The following GNG2 variants were observed in gnomAD, a reference collection of about 807,000 sequenced individuals.
GNG2 encodes guanine nucleotide-binding protein G(I)/G(S)/G(O) subunit gamma-2.
GNG2 carries 5 observed loss-of-function variants against 5.5 expected under a neutral mutation model. That is an observed-to-expected ratio of 0.91 (90% CI 0.48 to 1.92). The LOEUF is 1.92. GNG2 is among the 30% of genes most tolerant of loss of function. The pLI, the probability that GNG2 is intolerant of heterozygous loss-of-function variation, is 0.01. For synonymous variants in GNG2, 28 were observed against 32.0 expected, an observed-to-expected ratio of 0.88 and a Z score of 0.42; for missense variants, 55 against 88.4, an observed-to-expected ratio of 0.62 and a Z score of 1.52.
chr14:51,911,806 C>T lies in GNG2; in HGVS notation c.-30+34149C>T, dbSNP rs1408155424. On this transcript the variant is annotated intron_variant, in intron 2 of 3. Transcript: ENST00000556766. The stretch of plus-strand genomic sequence containing the variant: ...TCCAGTGATCTGCCTACTTTGGCCT[C>T]CCAAAGCACTGGGATTACAGGCGTG... Among the ~76,000 whole-genome samples the T allele has an allele frequency of 2.7e-5, 4 of 148,120 alleles. 1 individual carries two copies. Among genetic ancestry groups the T allele is most frequent in the African/African-American group, 1.0e-4 (4 of 39,456 alleles).
chr14:51,965,788 T>C (rs1889857993), intron 3 of GNG2, among the ~76,000 whole-genome samples: 1 of 152,082 alleles, frequency 6.6e-6, no homozygotes, highest in Non-Finnish European at 1.5e-5. Flanking sequence ...TACAAAATGA[T>C]AATAATGGCT....
At chr14:51,858,505 G>A (rs948379869), upstream of GNG2, among the ~76,000 whole-genome samples, 2 of 152,094 alleles carry the variant, frequency 1.3e-5, no homozygotes, top group Non-Finnish European at 2.9e-5. Context: ...ACCTATATAG[G>A]CTTAAATATA....
At chr14:51,921,169 C>T (rs1233704966) in intron 2 of GNG2, among the ~76,000 whole-genome samples, 1 of 152,170 alleles carries the variant, frequency 6.6e-6, no homozygotes, top group African/African-American at 2.4e-5. Context: ...CCAGCTCTGT[C>T]ACCTACCAGC....
At chr14:51,865,621 G>T (rs1020068662) in intron 1 of GNG2, among the ~76,000 whole-genome samples, 6 of 151,966 alleles carry the variant, frequency 3.9e-5, no homozygotes, top group East Asian at 1.9e-4. Flanking sequence ...TCACCTCCCA[G>T]TTACAACTCC....
chr14:51,917,656 TAG>T (rs1453465891), intron 2 of GNG2, among the ~76,000 whole-genome samples: 1 of 152,174 alleles, frequency 6.6e-6, no homozygotes. Context: ...TTTGAGATAT[TAG>T]GTCATGATTA....
At chr14:51,962,830 G>A (rs143147176) in intron 3 of GNG2, among the ~76,000 whole-genome samples, 289 of 152,280 alleles carry the variant, frequency 1.9e-3, no homozygotes, top group African/African-American at 6.7e-3. Flanking sequence ...CTAGGCACAC[G>A]ATTGCTGTGA....
chr14:51,901,963 TAAAAAAAAAAAA>T (rs34308582), intron 2 of GNG2, among the ~76,000 whole-genome samples: 102 of 56,454 alleles, frequency 1.8e-3, no homozygotes, highest in African/African-American at 6.6e-3. Flanking sequence ...TAACAATCTG[TAAAAAAAAAAAA>T]AAAAAAAAAA....
chr14:51,840,140 C>T (rs1431455244), intron 2 of GNG2, among the ~76,000 whole-genome samples: 5 of 152,296 alleles, frequency 3.3e-5, no homozygotes, highest in African/African-American at 1.2e-4. Context: ...AATCACTGCT[C>T]CACCTGGGTA....
At position 51,928,026 on chromosome 14, in the gene GNG2, C is replaced by CT. The variant is rs35561589; in HGVS notation, c.-29-22603dup. 9.7e-3 allele frequency among the ~76,000 whole-genome samples: 1,002 copies of CT among 103,054 alleles called. 14 individuals carry two copies. The highest frequency in any genetic ancestry group is 0.014 in the African/African-American group (345 of 24,820). The allele number at this position is 103,054 out of a possible 152,430, so 67.6% of individuals were successfully genotyped here. A position where few individuals can be genotyped will look rare whatever the true frequency, so the allele number is the denominator to read the frequency against. On this transcript the variant is annotated intron_variant, in intron 2 of 3. Transcript: ENST00000556766. ...GGTATTTGCCTTTCTCTCTCTCTCT[C>CT]TTTTTTTTTTTTTTTTTTTTTGGAG... is the stretch of plus-strand genomic sequence containing the variant.
chr14:51,945,133 CAA>C, intron 2 of GNG2, among the ~76,000 whole-genome samples: 2 of 150,336 alleles, frequency 1.3e-5, no homozygotes, highest in East Asian at 3.9e-4. Flanking sequence ...AACAAACAAA[CAA>C]AAAAAACGGA....
At chr14:51,844,112 C>G (rs924987613) in intron 2 of GNG2, among the ~76,000 whole-genome samples, 4 of 152,216 alleles carry the variant, frequency 2.6e-5, no homozygotes, top group African/African-American at 9.6e-5. Context: ...GATATTCAAC[C>G]AGTTTGATTG....
intron 2 of GNG2, among the ~76,000 whole-genome samples, chr14:51,910,871 C>A (rs1461515746): frequency 6.6e-6 from 1 of 152,244 alleles, no homozygotes. Context: ...GGCAGAATGC[C>A]TCTAGAACAG....
intron 1 of GNG2, among the ~76,000 whole-genome samples, chr14:51,865,967 C>T (rs61973073): frequency 0.39 from 59,211 of 151,644 alleles, 12,945 homozygotes; most frequent in South Asian, 0.51. Flanking sequence ...AAAAAGGGAG[C>T]TCAATTCTCA....
chr14:51,938,066 T>C (rs2140258992), intron 2 of GNG2, among the ~76,000 whole-genome samples: 1 of 152,370 alleles, frequency 6.6e-6, no homozygotes, highest in African/African-American at 2.4e-5. Flanking sequence ...AACATGTGCA[T>C]GCACTTCTGG....
chr14:51,906,829 T>C (rs1348692655), intron 2 of GNG2, among the ~76,000 whole-genome samples: 2 of 140,088 alleles, frequency 1.4e-5, no homozygotes, highest in Non-Finnish European at 3.0e-5. Context: ...AATCTCGGCT[T>C]ACTACAAGCT....
chr14:51,855,740 T>C (rs140118555), upstream of GNG2, among the ~76,000 whole-genome samples: 283 of 152,280 alleles, frequency 1.9e-3, 1 homozygote, highest in African/African-American at 6.5e-3. Context: ...AGCCCACACA[T>C]GCACTCAAGG....
At chr14:51,916,509 T>C in intron 2 of GNG2, 2 of 388,812 alleles carry the variant, frequency 5.1e-6, no homozygotes, top group South Asian at 1.7e-5. Flanking sequence ...AAAATAATCC[T>C]GAAAAAAAAA....
At chr14:51,844,883 G>A (rs1881580563) in intron 2 of GNG2, among the ~76,000 whole-genome samples, 1 of 152,130 alleles carries the variant, frequency 6.6e-6, no homozygotes, top group African/African-American at 2.4e-5. Flanking sequence ...ACGCCACCAG[G>A]CCCAGCTAAT....
intron 2 of GNG2, chr14:51,918,678 GATTT>G (rs1314980497): frequency 6.6e-6 from 1 of 152,166 alleles, no homozygotes; most frequent in African/African-American, 2.4e-5. Flanking sequence ...AACTAAAGCA[GATTT>G]ATTACTTAGG....
Sources: gnomAD v4.1 joint callset for allele counts (sites outside exome capture counted in the v4.1 genomes callset) on GRCh38, gnomAD v4.1.1 for gene constraint, MANE v1.5 for transcripts, NCBI Gene and HGNC (gene_info 2026-07-23, HGNC 2026-07-21) for gene names.